CFTR: variants seen among roughly 807,000 people sequenced by gnomAD.
CFTR encodes the protein CF transmembrane conductance regulator.
Under a neutral mutation model 171.6 loss-of-function variants are expected in CFTR, and 181 were observed. The observed-to-expected ratio is 1.05, with a 90% CI of 0.93 to 1.19. The LOEUF is 1.19. CFTR is among the 50% of genes most tolerant of loss of function. The pLI is 0.00. For missense variants in CFTR, 1,968 were observed against 1,734.7 expected (o/e 1.13, Z -2.39); for synonymous variants, 583 against 608.0 (o/e 0.96, Z 0.60).
At chr7:117,557,706 G>GT (rs1317700086) in intron 10 of CFTR, among the ~76,000 whole-genome samples, 2 of 152,008 alleles carry the variant, frequency 1.3e-5, no homozygotes, top group African/African-American at 4.8e-5. Context: ...TGTATTTACA[G>GT]TTTTAAGTTC....
intron 3 of CFTR, among the ~76,000 whole-genome samples, chr7:117,523,348 C>G (rs1009434318): frequency 3.3e-5 from 5 of 151,542 alleles, no homozygotes; most frequent in Admixed American, 2.6e-4. Context: ...CAAAGCAAGA[C>G]TGTCTCTGAA....
chr7:117,509,588 C>T (rs1018736089), intron 3 of CFTR, among the ~76,000 whole-genome samples: 8 of 152,048 alleles, frequency 5.3e-5, no homozygotes. Flanking sequence ...CAAAGAAAAA[C>T]ACTAAAAATT....
At chr7:117,508,329 C>T (rs1185372855) in intron 2 of CFTR, among the ~76,000 whole-genome samples, 2 of 152,124 alleles carry the variant, frequency 1.3e-5, no homozygotes, top group Non-Finnish European at 2.9e-5. Flanking sequence ...ATACAATCAG[C>T]TGGTGTTCCT....
chr7:117,641,337 G>A (rs868541472), intron 22 of CFTR, among the ~76,000 whole-genome samples: 18 of 152,092 alleles, frequency 1.2e-4, no homozygotes, highest in African/African-American at 3.9e-4. Flanking sequence ...ACATAGTATA[G>A]AAATTGAGAG....
Position 117,531,022 on chromosome 7 carries a change from G to T in CFTR, c.397G>T (p.Val133Leu). The T allele has an allele frequency of 6.2e-7, 1 of 1,613,776 alleles. No homozygotes were observed. Among genetic ancestry groups the T allele is most frequent in the Non-Finnish European group, 8.5e-7 (1 of 1,179,854 alleles). ...CATAGGCTTATGCCTTCTCTTTATT[G>T]TGAGGACACTGCTCCTACACCCAGC... is the stretch of plus-strand genomic sequence containing the variant. ...LGIGLCLLFI[V>L]RTLLLHPAIF... The change falls in exon 4 of 27, where the codon GTG (valine) becomes TTG (leucine). Residue 133 changes from valine to leucine, a missense_variant. Val to Leu is a conservative substitution (Grantham distance 32). Transcript: ENST00000003084.
intron 10 of CFTR, among the ~76,000 whole-genome samples, chr7:117,557,335 T>C (rs1562897689): frequency 6.6e-6 from 1 of 152,140 alleles, no homozygotes; most frequent in Non-Finnish European, 1.5e-5. Context: ...ACTTGCTCTC[T>C]GACCACATAA....
At chr7:117,568,030 C>T (rs532467832) in intron 11 of CFTR, among the ~76,000 whole-genome samples, 3 of 152,100 alleles carry the variant, frequency 2.0e-5, no homozygotes, top group Admixed American at 6.6e-5. Context: ...ACAAAATGTA[C>T]GAGGCCTGAT....
intron 15 of CFTR, among the ~76,000 whole-genome samples, chr7:117,597,535 G>A (rs981542713): frequency 6.6e-6 from 1 of 152,196 alleles, no homozygotes; most frequent in African/African-American, 2.4e-5. Context: ...TAATCTTTGT[G>A]ATATGTGCCA....
chr7:117,524,231 C>T (rs1440710936), intron 3 of CFTR, among the ~76,000 whole-genome samples: 1 of 151,968 alleles, frequency 6.6e-6, no homozygotes, highest in Non-Finnish European at 1.5e-5. Context: ...TTACAGTGAA[C>T]AAGAAATGAT....
intron 3 of CFTR, among the ~76,000 whole-genome samples, chr7:117,525,077 A>G (rs577043610): frequency 2.5e-4 from 38 of 152,344 alleles, no homozygotes; most frequent in African/African-American, 9.1e-4. Flanking sequence ...GCAAACAGTT[A>G]ACATGTAATA....
At chr7:117,573,520 C>A (rs1473016663) in intron 11 of CFTR, among the ~76,000 whole-genome samples, 1 of 152,000 alleles carries the variant, frequency 6.6e-6, no homozygotes, top group Non-Finnish European at 1.5e-5. Context: ...AATCACAGGT[C>A]AAAATGCAGA....
At chr7:117,626,599 G>A (rs891955150) in intron 21 of CFTR, among the ~76,000 whole-genome samples, 2 of 151,982 alleles carry the variant, frequency 1.3e-5, no homozygotes, top group South Asian at 2.1e-4. Context: ...AAAAATAGAA[G>A]TTGAGTGAAT....
At chr7:117,518,588 A>ATG (rs1554377850) in intron 3 of CFTR, among the ~76,000 whole-genome samples, 1,875 of 147,278 alleles carry the variant, frequency 0.013, 35 homozygotes, top group African/African-American at 0.04. Flanking sequence ...ATATATATAT[A>ATG]TGTGTGTTTT....
intron 20 of CFTR, among the ~76,000 whole-genome samples, chr7:117,613,636 T>C (rs1346760686): frequency 1.3e-5 from 2 of 152,156 alleles, no homozygotes; most frequent in African/African-American, 4.8e-5. Flanking sequence ...AACAGTAATA[T>C]ATTGGGGTCT....
intron 1 of CFTR, among the ~76,000 whole-genome samples, chr7:117,500,872 C>T (rs1236200478): frequency 6.6e-6 from 1 of 152,082 alleles, no homozygotes; most frequent in East Asian, 1.9e-4. Context: ...GGCATTCTTG[C>T]TAATCAAAAC....
At chr7:117,538,611 G>T (rs1798996175) in intron 7 of CFTR, among the ~76,000 whole-genome samples, 1 of 152,152 alleles carries the variant, frequency 6.6e-6, no homozygotes, top group African/African-American at 2.4e-5. Flanking sequence ...GAGGAGAAAG[G>T]ACACACATTG....
chr7:117,625,076 G>A (rs1289851380), intron 21 of CFTR, among the ~76,000 whole-genome samples: 1 of 152,140 alleles, frequency 6.6e-6, no homozygotes, highest in African/African-American at 2.4e-5. Flanking sequence ...CATGGTGAAA[G>A]TGTCTGCACA....
intron 19 of CFTR, 36 bp downstream of exon 19, chr7:117,610,705 A>G (rs1211266813): frequency 1.9e-6 from 3 of 1,610,420 alleles, no homozygotes; most frequent in Admixed American, 1.7e-5. Context: ...ATCTTGTAAA[A>G]AAGCTATAAG....
At chr7:117,509,681 A>G (rs1325368938) in intron 3 of CFTR, among the ~76,000 whole-genome samples, 3 of 152,194 alleles carry the variant, frequency 2.0e-5, no homozygotes, top group African/African-American at 4.8e-5. Flanking sequence ...AATATCTTAC[A>G]TCTCATCAGT....
Sources: allele counts gnomAD v4.1 joint callset (sites outside exome capture counted in the v4.1 genomes callset), GRCh38; gene constraint gnomAD v4.1.1; transcripts MANE v1.5; gene names NCBI Gene and HGNC (gene_info 2026-07-23, HGNC 2026-07-21).